The following CTNNA2 variants were observed in gnomAD, a reference collection of about 807,000 sequenced individuals.
CTNNA2 encodes catenin alpha-2.
Under a neutral mutation model 101.0 loss-of-function variants are expected in CTNNA2, and 42 were observed. The ratio of observed to expected loss-of-function variants is 0.42; its 90% CI spans 0.32 to 0.54. The LOEUF (loss-of-function observed/expected upper bound fraction) is 0.54, where lower values mean the gene tolerates loss of function less well. Ranked by LOEUF, CTNNA2 falls within the 20% of genes least tolerant of loss-of-function variation. CTNNA2 has a pLI of 0.14. For missense variants in CTNNA2, 871 were observed against 1,223.1 expected (o/e 0.71, Z 4.29); for synonymous variants, 450 against 456.4 (o/e 0.99, Z 0.18).
chr2:80,131,414 T>G (rs1385528040), intron 7 of CTNNA2, among the ~76,000 whole-genome samples: 1 of 152,218 alleles, frequency 6.6e-6, no homozygotes, highest in Non-Finnish European at 1.5e-5. Context: ...AGAAACTCAC[T>G]GTACTATTGT....
chr2:79,224,221 C>T (rs1197215260), intron 2 of CTNNA2, among the ~76,000 whole-genome samples: 5 of 152,122 alleles, frequency 3.3e-5, no homozygotes, highest in Non-Finnish European at 4.4e-5. Context: ...AGAACAGCCT[C>T]AAATATTTTA....
intron 7 of CTNNA2, among the ~76,000 whole-genome samples, chr2:80,279,654 A>T (rs761365673): frequency 2.5e-4 from 38 of 152,184 alleles, no homozygotes; most frequent in Non-Finnish European, 5.0e-4. Context: ...ACCACAAAAA[A>T]GATTGTATCA....
intron 4 of CTNNA2, among the ~76,000 whole-genome samples, chr2:79,459,263 TCTA>T (rs1229007006): frequency 6.6e-6 from 1 of 152,164 alleles, no homozygotes; most frequent in Admixed American, 6.5e-5. Flanking sequence ...ACTGTGAACT[TCTA>T]CTCATAGTTC....
chr2:79,890,897 A>C (rs916411059), intron 6 of CTNNA2, among the ~76,000 whole-genome samples: 1 of 142,844 alleles, frequency 7.0e-6, no homozygotes, highest in Non-Finnish European at 1.5e-5. Context: ...GTGTCATCAC[A>C]TGGTGGAAGG....
chr2:79,738,197 AT>A (rs1255333314), intron 2 of CTNNA2, among the ~76,000 whole-genome samples: 3 of 152,216 alleles, frequency 2.0e-5, no homozygotes, highest in African/African-American at 7.2e-5. Context: ...TTATCTGGCT[AT>A]TTCTGAGTTT....
At chr2:79,271,663 A>G (rs1675086072) in intron 2 of CTNNA2, among the ~76,000 whole-genome samples, 1 of 151,880 alleles carries the variant, frequency 6.6e-6, no homozygotes, top group African/African-American at 2.4e-5. Context: ...GACTCTTTGA[A>G]GTGTTCCCCT....
intron 2 of CTNNA2, 142 bp downstream of exon 2, chr2:79,651,800 C>T: frequency 1.5e-6 from 1 of 687,832 alleles, no homozygotes; most frequent in Non-Finnish European, 2.5e-6. Context: ...ACTGCCTGAA[C>T]TATGGGCAAT....
intron 9 of CTNNA2, among the ~76,000 whole-genome samples, chr2:80,455,003 G>A (rs901049990): frequency 6.6e-6 from 1 of 152,256 alleles, no homozygotes; most frequent in Admixed American, 6.5e-5. Context: ...CTCTGAAAAG[G>A]GAGATGATAT....
intron 1 of CTNNA2, among the ~76,000 whole-genome samples, chr2:79,548,339 C>T (rs1261034237): frequency 2.0e-5 from 3 of 152,140 alleles, no homozygotes; most frequent in African/African-American, 7.2e-5. Context: ...TTAAATGTTT[C>T]TTCTCATTTT....
intron 1 of CTNNA2, among the ~76,000 whole-genome samples, chr2:79,545,220 T>G (rs1673658612): frequency 6.6e-6 from 1 of 152,124 alleles, no homozygotes; most frequent in Non-Finnish European, 1.5e-5. Flanking sequence ...GAAAGTTATA[T>G]CCAGTGAAGG....
At chr2:80,576,387 T>TTTTA (rs1695049481) in intron 13 of CTNNA2, 5 of 150,578 alleles carry the variant, frequency 3.3e-5, no homozygotes, top group African/African-American at 1.2e-4. Flanking sequence ...TTTTTTTTTT[T>TTTTA]GCTTCTTCCT....
intron 4 of CTNNA2, among the ~76,000 whole-genome samples, chr2:79,494,797 A>C (rs1355481512): frequency 2.0e-5 from 3 of 152,170 alleles, no homozygotes; most frequent in African/African-American, 7.2e-5. Context: ...ACCAAAAAAA[A>C]ACCAGAATTT....
chr2:79,923,805 C>T (rs908738312), intron 7 of CTNNA2, among the ~76,000 whole-genome samples: 3 of 152,136 alleles, frequency 2.0e-5, no homozygotes, highest in African/African-American at 4.8e-5. Flanking sequence ...CTATGGGATC[C>T]GCTTTTGTAG....
chr2:79,459,466 T>C (rs1423178619), intron 4 of CTNNA2, among the ~76,000 whole-genome samples: 4 of 152,190 alleles, frequency 2.6e-5, no homozygotes, highest in African/African-American at 7.2e-5. Context: ...GGATAAGTTT[T>C]CCTTGCCTGA....
intron 1 of CTNNA2, among the ~76,000 whole-genome samples, chr2:79,552,035 G>A (rs1047214311): frequency 5.9e-5 from 9 of 151,936 alleles, no homozygotes; most frequent in East Asian, 1.9e-4. Context: ...ACATTCCCCC[G>A]AAGTCTTAAC....
At chr2:80,111,059 C>T (rs1340958883) in intron 7 of CTNNA2, among the ~76,000 whole-genome samples, 1 of 151,954 alleles carries the variant, frequency 6.6e-6, no homozygotes, top group Non-Finnish European at 1.5e-5. Flanking sequence ...AGGGAAAAGC[C>T]CTTTATAAAA....
intron 9 of CTNNA2, among the ~76,000 whole-genome samples, chr2:80,477,727 ATGTGTGTG>A (rs35938297): frequency 5.7e-4 from 82 of 143,906 alleles, no homozygotes; most frequent in African/African-American, 7.4e-4. Context: ...CATGGTGTGA[ATGTGTGTG>A]TGTGTGTGTG....
At chr2:80,367,889 T>C (rs964273068) in intron 7 of CTNNA2, among the ~76,000 whole-genome samples, 4 of 151,004 alleles carry the variant, frequency 2.6e-5, no homozygotes, top group Non-Finnish European at 5.9e-5. Flanking sequence ...TTGAGATTCG[T>C]AGCAACTTGT....
At chr2:80,300,945 C>T (rs1381235547) in intron 7 of CTNNA2, among the ~76,000 whole-genome samples, 3 of 149,220 alleles carry the variant, frequency 2.0e-5, no homozygotes, top group Non-Finnish European at 4.4e-5. Context: ...TCACTCTCAA[C>T]ACAGAAAAAA....
Sources: allele counts gnomAD v4.1 joint callset (sites outside exome capture counted in the v4.1 genomes callset), GRCh38; gene constraint gnomAD v4.1.1; transcripts MANE v1.5; gene names NCBI Gene and HGNC (gene_info 2026-07-23, HGNC 2026-07-21).